The following CTNND2 variants were observed in gnomAD, a reference collection of about 807,000 sequenced individuals.
CTNND2 encodes the protein catenin delta-2.
Under a neutral mutation model 144.4 loss-of-function variants are expected in CTNND2, and 22 were observed. The ratio of observed to expected loss-of-function variants is 0.15; its 90% CI spans 0.11 to 0.22. CTNND2 has a LOEUF of 0.22. Ranked by LOEUF, CTNND2 falls within the 10% of genes least tolerant of loss-of-function variation. CTNND2 has a pLI of 1.00. For synonymous variants in CTNND2, 751 were observed against 695.6 expected (o/e 1.08, Z -1.25); for missense variants, 1,353 against 1,618.8 (o/e 0.84, Z 2.82).
intron 20 of CTNND2, among the ~76,000 whole-genome samples, chr5:10,987,233 G>A (rs1219420810): frequency 6.6e-6 from 1 of 152,216 alleles, no homozygotes; most frequent in East Asian, 1.9e-4. Context: ...CATCCAGGGA[G>A]AGGGTGAGGT....
chr5:11,339,521 A>T (rs868496381), intron 9 of CTNND2, among the ~76,000 whole-genome samples: 1 of 152,306 alleles, frequency 6.6e-6, no homozygotes, highest in Middle Eastern at 3.4e-3. Flanking sequence ...CAGAACTGTG[A>T]GATGATAAGT....
chr5:11,127,683 G>A (rs560452749), intron 12 of CTNND2, among the ~76,000 whole-genome samples: 3 of 152,008 alleles, frequency 2.0e-5, no homozygotes, highest in South Asian at 2.1e-4. Flanking sequence ...TTACTATGTC[G>A]TCCCATCACT....
At chr5:11,764,205 C>A (rs755650159) in intron 1 of CTNND2, among the ~76,000 whole-genome samples, 3 of 152,086 alleles carry the variant, frequency 2.0e-5, no homozygotes, top group Admixed American at 6.5e-5. Context: ...ATGCAGGCAG[C>A]CTCTAGAAGT....
At chr5:11,150,977 C>A (rs1757712133) in intron 12 of CTNND2, among the ~76,000 whole-genome samples, 2 of 152,138 alleles carry the variant, frequency 1.3e-5, no homozygotes, top group African/African-American at 4.8e-5. Flanking sequence ...TGATGTTTTC[C>A]TTCCTCCAAC....
intron 10 of CTNND2, among the ~76,000 whole-genome samples, chr5:11,235,224 T>C (rs1199761711): frequency 6.6e-6 from 1 of 152,138 alleles, no homozygotes; most frequent in African/African-American, 2.4e-5. Context: ...CTCAAAGTTA[T>C]AGTCTTCAAA....
chr5:11,077,058 A>C (rs542542128), intron 16 of CTNND2, among the ~76,000 whole-genome samples: 3 of 152,244 alleles, frequency 2.0e-5, no homozygotes, highest in Non-Finnish European at 4.4e-5. Flanking sequence ...TAATTTCCTT[A>C]ATGTTTTGCT....
At chr5:11,361,245 T>G (rs1327785435) in intron 8 of CTNND2, among the ~76,000 whole-genome samples, 1 of 152,170 alleles carries the variant, frequency 6.6e-6, no homozygotes, top group African/African-American at 2.4e-5. Flanking sequence ...GGTCTCAAAC[T>G]CCTGACCTCA....
intron 2 of CTNND2, among the ~76,000 whole-genome samples, chr5:11,625,319 C>A (rs771857595): frequency 6.6e-6 from 1 of 151,692 alleles, no homozygotes; most frequent in Non-Finnish European, 1.5e-5. Context: ...AGAGGTCAAC[C>A]AATCTCATAG....
intron 3 of CTNND2, among the ~76,000 whole-genome samples, chr5:11,506,951 T>A (rs2150018397): frequency 6.6e-6 from 1 of 152,306 alleles, no homozygotes; most frequent in East Asian, 1.9e-4. Flanking sequence ...GTTTTCTACT[T>A]CCCCCTCAAC....
chr5:11,653,434 G>T lies in CTNND2; in HGVS notation c.174+78702C>A, dbSNP rs1053347422. On this transcript the variant is annotated intron_variant, in intron 2 of 21. Transcript: ENST00000304623. Reference sequence around the variant, plus strand: ...CTTTTTTATAACAGCAATACTAACAGATGTGAGGTGGTATCTCATCATGGT... The same window carrying T: ...CTTTTTTATAACAGCAATACTAACATATGTGAGGTGGTATCTCATCATGGT... Among the ~76,000 whole-genome samples, 2 of 152,032 alleles carry T rather than the reference G, an allele frequency of 1.3e-5. 1 individual carries two copies.
At chr5:11,607,857 T>G (rs1006933318) in intron 2 of CTNND2, among the ~76,000 whole-genome samples, 2 of 152,154 alleles carry the variant, frequency 1.3e-5, no homozygotes, top group Admixed American at 6.6e-5. Flanking sequence ...GAGCAGAAAT[T>G]GATACCTAAT....
intron 11 of CTNND2, among the ~76,000 whole-genome samples, chr5:11,170,602 A>G (rs1759807352): frequency 6.6e-6 from 1 of 152,116 alleles, no homozygotes; most frequent in African/African-American, 2.4e-5. Flanking sequence ...ACACACACAC[A>G]CAGCTACAAC....
At chr5:11,261,746 T>C (rs866121678) in intron 9 of CTNND2, among the ~76,000 whole-genome samples, 3 of 152,340 alleles carry the variant, frequency 2.0e-5, no homozygotes, top group South Asian at 4.1e-4. Context: ...CCAACTAGTA[T>C]TGGTAAATAG....
chr5:11,713,459 A>G (rs1786149784), intron 2 of CTNND2, among the ~76,000 whole-genome samples: 1 of 151,768 alleles, frequency 6.6e-6, no homozygotes, highest in South Asian at 2.1e-4. Flanking sequence ...TGCACCTATA[A>G]TCCCAGCTAC....
chr5:11,078,901 C>G (rs546073616), intron 16 of CTNND2, among the ~76,000 whole-genome samples: 41 of 152,290 alleles, frequency 2.7e-4, no homozygotes, highest in African/African-American at 9.4e-4. Flanking sequence ...GTGTAAATAG[C>G]AAGTTGCAAG....
At chr5:11,151,492 T>A (rs982625805) in intron 12 of CTNND2, among the ~76,000 whole-genome samples, 1 of 152,244 alleles carries the variant, frequency 6.6e-6, no homozygotes, top group Admixed American at 6.5e-5. Context: ...AACTTTTTCA[T>A]TGAATTTCTT....
chr5:11,205,396 T>C (rs1580583207), intron 10 of CTNND2, among the ~76,000 whole-genome samples: 1 of 152,316 alleles, frequency 6.6e-6, no homozygotes, highest in East Asian at 1.9e-4. Flanking sequence ...CAATTAACTG[T>C]TATTTTTCAA....
intron 9 of CTNND2, among the ~76,000 whole-genome samples, 177 bp downstream of exon 9, chr5:11,346,195 A>G (rs1754758605): frequency 6.6e-6 from 1 of 152,196 alleles, no homozygotes; most frequent in African/African-American, 2.4e-5. Flanking sequence ...TGAACCACCA[A>G]AGATACTAGG....
At chr5:11,656,230 A>T (rs750833259) in intron 2 of CTNND2, among the ~76,000 whole-genome samples, 15 of 152,180 alleles carry the variant, frequency 9.9e-5, no homozygotes, top group Non-Finnish European at 1.3e-4. Flanking sequence ...TACGTTACCT[A>T]GAAATACAAT....
Sources: allele counts gnomAD v4.1 joint callset (sites outside exome capture counted in the v4.1 genomes callset), GRCh38; gene constraint gnomAD v4.1.1; transcripts MANE v1.5; gene names NCBI Gene and HGNC (gene_info 2026-07-23, HGNC 2026-07-21).